The following UXS1 variants were observed in gnomAD, a reference collection of about 807,000 sequenced individuals.
UXS1 encodes the protein UDP-glucuronate decarboxylase 1.
A neutral mutation model predicts 62.6 loss-of-function variants in UXS1; 33 were observed. The ratio of observed to expected loss-of-function variants is 0.53; its 90% confidence interval spans 0.40 to 0.70. UXS1 has a LOEUF of 0.70. Ranked by LOEUF, UXS1 falls within the 30% of genes least tolerant of loss-of-function variation. The probability of loss-of-function intolerance (pLI) is 0.00; values close to 1 mark genes in which losing one functional copy is unlikely to be tolerated. For synonymous variants in UXS1, 213 were observed against 206.8 expected, an observed-to-expected ratio of 1.03 and a Z score of -0.26; for missense variants, 434 against 556.3, an observed-to-expected ratio of 0.78 and a Z score of 2.21.
Position 106,094,115 on chromosome 2 carries a change from G to A in UXS1, c.1189C>T (p.Arg397Cys), listed in dbSNP as rs769369773. The A allele has an allele frequency of 7.4e-6, 12 of 1,612,522 alleles. No individual in the cohort carries two copies. The highest frequency in any genetic ancestry group is 6.7e-5 in the East Asian group (3 of 44,826). ...TTTGCCTGGTACTCGAGTTCTTTAC[G>A]GAAGTAGTGAATTGCTTTGTTTAAA... The part of the protein sequence containing the change: ...EGLNKAIHYF[R>C]KELEYQANNQ... Residue 397 changes from arginine (R) to cysteine (C), a missense_variant, in exon 15 of 15, where the codon CGT (arginine) becomes TGT (cysteine). Around this residue, in one of 3 missense-constraint regions of UXS1, gnomAD observed 209 missense variants for 233.3 expected, o/e 0.90. Transcript: ENST00000283148.
intron 1 of UXS1, among the ~76,000 whole-genome samples, chr2:106,193,692 G>A (rs973651208): frequency 7.2e-5 from 11 of 152,202 alleles, no homozygotes; most frequent in Non-Finnish European, 1.2e-4. Flanking sequence ...CAAACAGTCG[G>A]AGCGGGGGCT....
At chr2:106,119,363 C>G (rs1051572367) in intron 9 of UXS1, among the ~76,000 whole-genome samples, 2 of 152,158 alleles carry the variant, frequency 1.3e-5, no homozygotes, top group South Asian at 4.1e-4. Context: ...TCCAACCCCA[C>G]TTATGGGCTA....
At chr2:106,118,552 A>G (rs193120186) in intron 9 of UXS1, among the ~76,000 whole-genome samples, 199 of 152,270 alleles carry the variant, frequency 1.3e-3, no homozygotes, top group African/African-American at 4.8e-3. Context: ...AGAGGCGGCA[A>G]TTTAATTCCT....
chr2:106,158,004 C>A (rs75739117), intron 5 of UXS1, 54 bp downstream of exon 5: 1 of 1,432,674 alleles, frequency 7.0e-7, no homozygotes, highest in African/African-American at 1.4e-5. Context: ...TATCTCTCAA[C>A]GAAAAAAGAA....
chr2:106,159,662 G>A (rs1682734582), intron 4 of UXS1, among the ~76,000 whole-genome samples: 1 of 152,184 alleles, frequency 6.6e-6, no homozygotes, highest in Non-Finnish European at 1.5e-5. Flanking sequence ...TATACTAATT[G>A]GAAAGGTGTT....
At chr2:106,133,933 C>A (rs1429727931) in intron 6 of UXS1, among the ~76,000 whole-genome samples, 1 of 130,544 alleles carries the variant, frequency 7.7e-6, no homozygotes, top group Non-Finnish European at 1.6e-5. Flanking sequence ...GAAATAGAGA[C>A]ACAAAAAACC....
At chr2:106,137,537 C>T (rs1238400188) in intron 6 of UXS1, among the ~76,000 whole-genome samples, 1 of 152,084 alleles carries the variant, frequency 6.6e-6, no homozygotes, top group Admixed American at 6.5e-5. Flanking sequence ...ACCTGTAATC[C>T]TAGCACTTTG....
At chr2:106,107,472 T>C (rs2104863937) in intron 10 of UXS1, among the ~76,000 whole-genome samples, 1 of 152,250 alleles carries the variant, frequency 6.6e-6, no homozygotes, top group Non-Finnish European at 1.5e-5. Context: ...CCCCAAGCCC[T>C]GGAGGAACAC....
intron 5 of UXS1, among the ~76,000 whole-genome samples, chr2:106,147,651 CCTGT>C (rs997699007): frequency 1.3e-5 from 2 of 152,160 alleles, no homozygotes; most frequent in South Asian, 2.1e-4. Flanking sequence ...TTCAAAATAG[CCTGT>C]CTTTTTGGGC....
At position 106,176,639 on chromosome 2, in the gene UXS1, A is replaced by T. The variant is rs564757399; in HGVS notation, c.95-10556T>A. ...TAGCCCTAAACCTTGGAGCATGCCC[A>T]GACTAGAGAAGCACTCTGCAGCCGC... On this transcript the variant is annotated intron_variant, in intron 1 of 14. Coordinates refer to ENST00000283148, the MANE Select transcript of UXS1 (RefSeq NM_001253875.2). 6.6e-5 allele frequency among the ~76,000 whole-genome samples: 10 copies of T among 152,294 alleles called. No individual in the cohort carries two copies. In the South Asian group the frequency reaches 2.1e-3, roughly 32 times the overall value.
Position 106,131,385 on chromosome 2 carries a change from G to C in UXS1, c.473-1607C>G, listed in dbSNP as rs1360081986. Among the ~76,000 whole-genome samples, 20 of 23,816 alleles carry C rather than the reference G, an allele frequency of 8.4e-4. 2 individuals carry two copies. The South Asian group carries it at 0.028, about 34-fold the overall frequency. 15.6% of individuals were successfully genotyped at this position (23,816 alleles called of 152,430 possible). ...GGTAAACAAAGCAGCCGGGAAGCTC[G>C]AACTGGGTGGAGCCCACCACAGCTC... On this transcript the variant is annotated intron_variant, in intron 6 of 14. Transcript: ENST00000283148.
intron 9 of UXS1, among the ~76,000 whole-genome samples, chr2:106,113,960 C>T (rs745715384): frequency 6.6e-6 from 1 of 152,154 alleles, no homozygotes. Flanking sequence ...TTTTCAATTT[C>T]GGCCAACACC....
chr2:106,161,852 T>G (rs973326600), intron 4 of UXS1, among the ~76,000 whole-genome samples: 12 of 152,210 alleles, frequency 7.9e-5, no homozygotes, highest in Admixed American at 7.2e-4. Flanking sequence ...AGAATGACAC[T>G]GTCTTCTTTC....
Position 106,118,932 on chromosome 2 carries a change from T to A in UXS1, c.759+4038A>T, listed in dbSNP as rs17032429. Among the ~76,000 whole-genome samples, 917 of 152,318 alleles carry A rather than the reference T, an allele frequency of 6.0e-3. 10 individuals are homozygous for A. Among genetic ancestry groups the A allele is most frequent in the African/African-American group, 0.021 (856 of 41,552 alleles). On this transcript the variant is annotated intron_variant, in intron 9 of 14. Transcript: ENST00000283148. ...ATGTTATTATGTATAAGGAATTAAT[T>A]AAAGTTGTTAAAATAATGAATTAAA...
At chr2:106,108,337 T>C (rs934469964) in intron 10 of UXS1, among the ~76,000 whole-genome samples, 1 of 152,172 alleles carries the variant, frequency 6.6e-6, no homozygotes, top group African/African-American at 2.4e-5. Context: ...TTATGCCCCA[T>C]CCAAAATATC....
chr2:106,122,161 C>G (rs2104920478), intron 9 of UXS1, among the ~76,000 whole-genome samples: 3 of 152,312 alleles, frequency 2.0e-5, no homozygotes, highest in African/African-American at 7.2e-5. Flanking sequence ...CTGTCCTGGA[C>G]CAACGTTCCA....
intron 1 of UXS1, among the ~76,000 whole-genome samples, chr2:106,177,822 G>C (rs1229328546): frequency 6.6e-6 from 1 of 152,176 alleles, no homozygotes; most frequent in Non-Finnish European, 1.5e-5. Flanking sequence ...TGTTACTGCA[G>C]CCTGGGGTAG....
chr2:106,118,756 C>A (rs1679271555), intron 9 of UXS1, among the ~76,000 whole-genome samples: 1 of 152,054 alleles, frequency 6.6e-6, no homozygotes, highest in Non-Finnish European at 1.5e-5. Context: ...AGAAGAGAAT[C>A]CTTAGGAAAA....
chr2:106,123,258 T>C (rs1490152184), intron 8 of UXS1, among the ~76,000 whole-genome samples, 167 bp from the exon 9 acceptor site: 1 of 151,280 alleles, frequency 6.6e-6, no homozygotes, highest in East Asian at 1.9e-4. Context: ...TGAGTTCCAG[T>C]AGGATATGAT....
Sources: gnomAD v4.1 joint callset for allele counts (sites outside exome capture counted in the v4.1 genomes callset) on GRCh38, gnomAD v4.1.1 for gene constraint, gnomAD v4.1.1 regional missense constraint, MANE v1.5 for transcripts, NCBI Gene and HGNC (gene_info 2026-07-23, HGNC 2026-07-21) for gene names.